Variants in MELTF observed in about 807,000 individuals in gnomAD.
MELTF encodes melanotransferrin, also known as antigen p97 (melanoma associated) identified by monoclonal antibodies 133.2 and 96.5.
Under a neutral mutation model 83.7 loss-of-function variants are expected in MELTF, and 67 were observed. That is an observed-to-expected ratio of 0.80 (90% CI 0.66 to 0.98). The LOEUF (loss-of-function observed/expected upper bound fraction) is 0.98, where lower values mean the gene tolerates loss of function less well. Ranked by LOEUF, MELTF falls within the 50% of genes least tolerant of loss-of-function variation. The pLI is 0.00. For synonymous variants in MELTF, 462 were observed against 447.6 expected (o/e 1.03, Z -0.41); for missense variants, 1,002 against 1,035.6 (o/e 0.97, Z 0.44).
intron 10 of MELTF, 143 bp from the exon 11 acceptor site, chr3:197,009,955 GGT>G (rs1719128803): frequency 1.3e-6 from 1 of 775,726 alleles, no homozygotes; most frequent in East Asian, 2.7e-5. Flanking sequence ...CTGAGGCCAG[GGT>G]GTTCTGGGAG....
Position 197,006,560 on chromosome 3 carries a change from C to A in MELTF, c.1927G>T (p.Asp643Tyr), listed in dbSNP as rs766825786. The A allele has an allele frequency of 1.3e-5, 21 of 1,612,998 alleles. No homozygotes were observed. In the South Asian group the frequency reaches 2.2e-4, roughly 17 times the overall value. ...TNIFTVYGLL[D>Y]KAQDLFGDDH... ...CCACCCTGGCTCACCTGGGCCTTGT[C>A]CAGCAGTCCATACACGGTGAAGATG... The change falls in exon 14 of 16, where the codon GAC (aspartate) becomes TAC (tyrosine). Residue 643 changes from aspartate to tyrosine, a missense_variant. Coordinates refer to ENST00000296350, the MANE Select transcript of MELTF (RefSeq NM_005929.6). This position sits in a 1 kb window ranked among gnomAD's most constrained non-coding sequence, Gnocchi z 5.4.
chr3:197,026,637 C>A lies in MELTF; in HGVS notation c.304+23G>T, dbSNP rs530378169. 1.9e-6 allele frequency: 3 copies of A among 1,606,178 alleles called. No individual in the cohort carries two copies. The South Asian group carries it at 3.3e-5, about 18-fold the overall frequency. On this transcript the variant is annotated intron_variant, in intron 3 of 15. Coordinates refer to ENST00000296350, the MANE Select transcript of MELTF (RefSeq NM_005929.6). ...TGACTTCCAGCGCAGGCTGTCCTCT[C>A]TCCTCCCACTGCACCCTCTTACCTT...
rs1423241072 is a variant in MELTF, at chr3:197,003,144, T to G, written c.*228A>C. The G allele has an allele frequency of 7.8e-6, 2 of 255,240 alleles. No individual in the cohort carries two copies. 15.8% of individuals were successfully genotyped at this position (255,240 alleles called of 1,614,324 possible). A position where few individuals can be genotyped will look rare whatever the true frequency, so the allele number is the denominator to read the frequency against. On this transcript the variant is annotated 3_prime_UTR_variant, in exon 16 of 16. Coordinates refer to ENST00000296350, the MANE Select transcript of MELTF (RefSeq NM_005929.6). This position sits in a 1 kb window ranked among gnomAD's most constrained non-coding sequence, Gnocchi z 6.2. ...CCTCCTCCGGCGCGGCCCGCGCGGC[T>G]CCAGGTGGCGGGAGGCGGCGGTTGG... is the stretch of plus-strand genomic sequence containing the variant.
intron 14 of MELTF, 93 bp from the exon 15 acceptor site, chr3:197,004,192 G>A (rs927438434): frequency 8.4e-7 from 1 of 1,183,930 alleles, no homozygotes; most frequent in Non-Finnish European, 1.3e-6. Flanking sequence ...TTTACATACA[G>A]TGACCCAAAG....
chr3:197,021,513 GC>G, intron 5 of MELTF, 42 bp from the exon 6 acceptor site: 1 of 1,588,788 alleles, frequency 6.3e-7, no homozygotes. Context: ...CTGAGCCCCT[GC>G]CCCTGCCCAT....
rs1340630581 is a variant in MELTF, at chr3:197,006,242, G to A, written c.1938+307C>T. 6.6e-6 allele frequency among the ~76,000 whole-genome samples: 1 copy of A among 151,978 alleles called. No individual in the cohort carries two copies. The highest frequency in any genetic ancestry group is 1.5e-5 in the Non-Finnish European group (1 of 67,972). On this transcript the variant is annotated intron_variant, in intron 14 of 15. Transcript: ENST00000296350. This position sits in a 1 kb window ranked among gnomAD's most constrained non-coding sequence, Gnocchi z 5.4. ...GTCTCAAAAAAAAAAGAAAAAAAGGGAGCAGGATTACAGCTGCAAGAGGAT... is the reference window on the plus strand; with the variant it reads ...GTCTCAAAAAAAAAAGAAAAAAAGGAAGCAGGATTACAGCTGCAAGAGGAT...
At chr3:197,026,943 C>A in intron 2 of MELTF, 184 bp from the exon 3 acceptor site, 1 of 571,908 alleles carries the variant, frequency 1.7e-6, no homozygotes, top group Non-Finnish European at 3.1e-6. Flanking sequence ...CAGGGATTCA[C>A]CTTGTTTTCC....
Position 197,027,823 on chromosome 3 carries a change from G to A in MELTF, c.137C>T (p.Ala46Val), listed in dbSNP as rs376197416. The change falls in exon 2 of 16, where the codon GCG (alanine) becomes GTG (valine). Residue 46 changes from alanine (A) to valine (V), a missense_variant. Transcript: ENST00000296350. ...CGNMSEAFREAGIQPSLLCVR... is the reference protein window; with the variant it reads ...CGNMSEAFREVGIQPSLLCVR... The stretch of plus-strand genomic sequence containing the variant: ...GCAGAGGAGGGAGGGCTGGATGCCC[G>A]CTTCCCGGAAGGCCTCGCTCATGTT... The A allele has an allele frequency of 1.1e-5, 18 of 1,610,860 alleles. No individual in the cohort carries two copies. The highest frequency in any genetic ancestry group is 1.3e-5 in the Non-Finnish European group (15 of 1,179,092).
rs906585903 is a variant in MELTF at position 197,011,427 on chromosome 3, C to T, written c.1234-633G>A. Among the ~76,000 whole-genome samples, 14 of 152,110 alleles carry T rather than the reference C, an allele frequency of 9.2e-5. No individual in the cohort carries two copies. Among genetic ancestry groups the T allele is most frequent in the African/African-American group, 2.2e-4 (9 of 41,414 alleles). ...CTATTGACAGGTGGTCCCAGGACCC[C>T]GCCAAGGGGCTAACTGGTAACAGAG... is the stretch of plus-strand genomic sequence containing the variant. On this transcript the variant is annotated intron_variant, in intron 9 of 15. Transcript: ENST00000296350. The surrounding 1 kb of genome is among the most constrained non-coding windows in gnomAD (Gnocchi z 4.2).
chr3:197,019,102 T>C, intron 6 of MELTF: 6 of 985,832 alleles, frequency 6.1e-6, no homozygotes, highest in Non-Finnish European at 7.2e-6. Flanking sequence ...ACCAGAGTGA[T>C]CGTTTAGGAA....
intron 4 of MELTF, chr3:197,023,804 C>A (rs1344750114): frequency 4.4e-5 from 20 of 455,408 alleles, no homozygotes; most frequent in South Asian, 2.9e-4. Flanking sequence ...CACCTGGCCA[C>A]CAGCTGAGAG....
At position 197,003,392 on chromosome 3, in the gene MELTF, G is replaced by T; in HGVS notation, c.2197C>A (p.Leu733Met). 9.1e-7 allele frequency: 1 copy of T among 1,093,810 alleles called. No homozygotes were observed. Among genetic ancestry groups the T allele is most frequent in the East Asian group, 5.6e-5 (1 of 17,856 alleles). 67.8% of individuals were successfully genotyped at this position (1,093,810 alleles called of 1,614,324 possible). The change falls in exon 16 of 16, where the codon CTG (leucine) becomes ATG (methionine). Residue 733 changes from leucine to methionine, a missense_variant. Coordinates refer to ENST00000296350, the MANE Select transcript of MELTF (RefSeq NM_005929.6). This position sits in a 1 kb window ranked among gnomAD's most constrained non-coding sequence, Gnocchi z 6.2. Reference sequence around the variant, plus strand: ...CGGGCTCAGAGGGCGGGCGGGAGCAGGCGGGCGGCGAGGGCGGGCAGCAGC... The same window carrying T: ...CGGGCTCAGAGGGCGGGCGGGAGCATGCGGGCGGCGAGGGCGGGCAGCAGC... ...PLLLPALAAR[L>M]LPPAL
At chr3:197,023,571 C>T (rs1486704211) in intron 4 of MELTF, among the ~76,000 whole-genome samples, 1 of 152,206 alleles carries the variant, frequency 6.6e-6, no homozygotes, top group African/African-American at 2.4e-5. Context: ...CAGGGTCTGC[C>T]GCCCTGCATG....
intron 9 of MELTF, among the ~76,000 whole-genome samples, chr3:197,012,178 G>A (rs543296085): frequency 6.6e-6 from 1 of 152,328 alleles, no homozygotes; most frequent in Non-Finnish European, 1.5e-5. Context: ...GCCTGAGGCT[G>A]GGGTGGTCTC....
Position 197,009,799 on chromosome 3 carries a change from G to A in MELTF, c.1344C>T (p.Ser448=), listed in dbSNP as rs1472440369. ...AGEHYAPEDS[S]NSYYVVAVVR... ...CCACGGCCACCACGTAGTACGAGTT[G>A]CTGCTGTCTTCCGCTGGGGAGAGAG... is the stretch of plus-strand genomic sequence containing the variant. Residue 448 remains serine (S), a synonymous_variant, in exon 11 of 16, where the codon AGC becomes AGT. Coordinates refer to ENST00000296350, the MANE Select transcript of MELTF (RefSeq NM_005929.6). 2.5e-6 allele frequency: 4 copies of A among 1,610,864 alleles called. No homozygotes were observed. Among genetic ancestry groups the A allele is most frequent in the Non-Finnish European group, 2.5e-6 (3 of 1,177,898 alleles).
chr3:197,010,616 A>G, intron 10 of MELTF, 82 bp downstream of exon 10: 2 of 1,222,318 alleles, frequency 1.6e-6, no homozygotes, highest in Non-Finnish European at 2.3e-6. Context: ...GCTTTTGAAA[A>G]TGGCTGAGGG....
chr3:197,021,204 C>G (rs560953516), intron 6 of MELTF, 200 bp downstream of exon 6: 1 of 577,932 alleles, frequency 1.7e-6, no homozygotes, highest in East Asian at 2.9e-5. Context: ...GGGCACTCCA[C>G]TGGTGACACC....
intron 11 of MELTF, 88 bp from the exon 12 acceptor site, chr3:197,009,053 C>CA: frequency 2.6e-6 from 4 of 1,513,980 alleles, no homozygotes; most frequent in Non-Finnish European, 3.6e-6. Context: ...CAGGTCTGCC[C>CA]ACCCCCCGGA....
chr3:197,028,258 T>G, intron 1 of MELTF: 5 of 236,860 alleles, frequency 2.1e-5, no homozygotes, highest in East Asian at 8.1e-5. Context: ...TGGAAGCTTC[T>G]TCCCCTCTCC....
Sources: allele counts gnomAD v4.1 joint callset (sites outside exome capture counted in the v4.1 genomes callset), GRCh38; gene constraint gnomAD v4.1.1; non-coding constraint Gnocchi (gnomAD v3.1); transcripts MANE v1.5; gene names NCBI Gene and HGNC (gene_info 2026-07-23, HGNC 2026-07-21).